DCHS2: variants seen among roughly 807,000 people sequenced by gnomAD.
The protein encoded by DCHS2 is protocadherin-23.
A neutral mutation model predicts 182.4 loss-of-function variants in DCHS2; 142 were observed. That is an observed-to-expected ratio of 0.78 (90% CI 0.68 to 0.89). The LOEUF is 0.89. Among genes scored for constraint, DCHS2 ranks in the 40% least tolerant of loss-of-function variants. The probability of loss-of-function intolerance (pLI) is 0.00; values close to 1 mark genes in which losing one functional copy is unlikely to be tolerated. For missense variants in DCHS2, 4,319 were observed against 4,198.6 expected (o/e 1.03, Z -0.79); for synonymous variants, 1,740 against 1,663.3 (o/e 1.05, Z -1.12).
intron 1 of DCHS2, among the ~76,000 whole-genome samples, chr4:154,479,632 C>CA (rs1463457971): frequency 6.6e-6 from 1 of 151,962 alleles, no homozygotes; most frequent in Non-Finnish European, 1.5e-5. Flanking sequence ...TATTGTGTTC[C>CA]AAAAAAATTA....
intron 18 of DCHS2, 80 bp from the exon 19 acceptor site, chr4:154,239,382 C>T: frequency 6.4e-7 from 1 of 1,564,728 alleles, no homozygotes; most frequent in Non-Finnish European, 8.6e-7. Flanking sequence ...AACATGAGGT[C>T]ATTTTATTCA....
rs17031394 is a variant in DCHS2, at chr4:154,298,510, G to C, written c.5804C>G (p.Thr1935Arg). Residue 1935 changes from threonine to arginine, a missense_variant, in exon 13 of 20, where the codon ACA becomes AGA. Transcript: ENST00000357232. ...TCTCACAGAGGACTGGTAATAAAGT[G>C]TGGGAAAAGAAGGACTGTGGTCATT... Reference protein sequence around the residue: ...DANDHSPSFPTLYYQSSVRED... With the variant: ...DANDHSPSFPRLYYQSSVRED... The C allele has an allele frequency of 0.17, 272,685 of 1,613,968 alleles. 23,836 individuals are homozygous for C. Among genetic ancestry groups the C allele is most frequent in the Middle Eastern group, 0.23 (1,388 of 6,062 alleles).
chr4:154,314,380 C>T (rs901838400), intron 10 of DCHS2, among the ~76,000 whole-genome samples: 2 of 152,132 alleles, frequency 1.3e-5, no homozygotes, highest in African/African-American at 2.4e-5. Context: ...CTGCCAAAAA[C>T]GTACTAAGTT....
In DCHS2 at chr4:154,413,824, A is replaced by G. The variant is rs145191725; in HGVS notation, c.2053-36380T>C. Among the ~76,000 whole-genome samples the G allele has an allele frequency of 2.5e-3, 384 of 152,314 alleles. 1 individual carries two copies. The Middle Eastern group carries it at 0.034, about 13-fold the overall frequency. On this transcript the variant is annotated intron_variant, in intron 1 of 19. Transcript: ENST00000357232. The stretch of plus-strand genomic sequence containing the variant: ...TTACTTCTGTTACTAACCCCAAAGC[A>G]CTGCATTACTTTATAGCTTCCTACC...
At chr4:154,263,091 C>T (rs1374770120) in intron 14 of DCHS2, among the ~76,000 whole-genome samples, 1 of 152,086 alleles carries the variant, frequency 6.6e-6, no homozygotes, top group Non-Finnish European at 1.5e-5. Context: ...TTTTCTCACA[C>T]TTTTATTCTT....
intron 7 of DCHS2, among the ~76,000 whole-genome samples, chr4:154,326,999 C>T (rs1019135017): frequency 1.3e-5 from 2 of 152,100 alleles, no homozygotes; most frequent in African/African-American, 4.8e-5. Flanking sequence ...ATTGAGTCTT[C>T]CCAAGCATGA....
chr4:154,388,314 T>TA (rs954854385), intron 1 of DCHS2, among the ~76,000 whole-genome samples: 7 of 149,810 alleles, frequency 4.7e-5, no homozygotes, highest in African/African-American at 9.8e-5. Context: ...TTGAGGTGAG[T>TA]AAAAAAAAAG....
chr4:154,464,293 C>A (rs1735146893), intron 1 of DCHS2, among the ~76,000 whole-genome samples: 1 of 152,132 alleles, frequency 6.6e-6, no homozygotes, highest in Non-Finnish European at 1.5e-5. Flanking sequence ...TTTTTAACTT[C>A]TCTGAGAGAA....
chr4:154,365,582 C>A (rs1267298333), intron 3 of DCHS2, among the ~76,000 whole-genome samples: 2 of 151,846 alleles, frequency 1.3e-5, no homozygotes, highest in African/African-American at 4.8e-5. Flanking sequence ...GGCCTCGAGC[C>A]ATCCTCCCAC....
At chr4:154,336,960 GAGGATAAACACTCT>G (rs1306577486) in intron 3 of DCHS2, among the ~76,000 whole-genome samples, 1 of 152,150 alleles carries the variant, frequency 6.6e-6, no homozygotes, top group African/African-American at 2.4e-5. Flanking sequence ...TTATAAAGCA[GAGGATAAACACTCT>G]TTATTAGAAT....
chr4:154,280,654 C>T (rs950136024), intron 13 of DCHS2, among the ~76,000 whole-genome samples: 2 of 151,890 alleles, frequency 1.3e-5, no homozygotes, highest in Non-Finnish European at 2.9e-5. Context: ...GCAGAAAAAG[C>T]GTATAACAAA....
intron 1 of DCHS2, among the ~76,000 whole-genome samples, chr4:154,394,951 G>A (rs1237622115): frequency 1.3e-5 from 2 of 152,134 alleles, no homozygotes; most frequent in African/African-American, 4.8e-5. Flanking sequence ...TGGAGGGACT[G>A]AGAAAGAGCC....
intron 1 of DCHS2, among the ~76,000 whole-genome samples, chr4:154,401,864 C>A (rs1035011032): frequency 2.0e-5 from 3 of 152,056 alleles, no homozygotes; most frequent in African/African-American, 7.2e-5. Flanking sequence ...CATGGTGGTG[C>A]GTGCCTATAG....
chr4:154,351,946 G>T (rs1394040810), intron 3 of DCHS2, among the ~76,000 whole-genome samples: 2 of 151,964 alleles, frequency 1.3e-5, no homozygotes, highest in African/African-American at 4.8e-5. Context: ...TAGGCATTTT[G>T]CTATTTCTAT....
At chr4:154,401,498 C>G (rs1732181210) in intron 1 of DCHS2, among the ~76,000 whole-genome samples, 1 of 152,212 alleles carries the variant, frequency 6.6e-6, no homozygotes, top group Non-Finnish European at 1.5e-5. Context: ...GCTCCACATC[C>G]TCATCAACAT....
intron 14 of DCHS2, among the ~76,000 whole-genome samples, chr4:154,266,788 CAT>C: frequency 6.6e-6 from 1 of 152,092 alleles, no homozygotes; most frequent in Non-Finnish European, 1.5e-5. Flanking sequence ...TTTGTCTTTT[CAT>C]ATCTGTGTGA....
intron 1 of DCHS2, among the ~76,000 whole-genome samples, chr4:154,414,385 T>C (rs1396903670): frequency 6.6e-6 from 1 of 151,206 alleles, no homozygotes; most frequent in East Asian, 2.0e-4. Flanking sequence ...ACACTATAAA[T>C]TATCCTCCTA....
Position 154,298,483 on chromosome 4 carries a change from T to G in DCHS2, c.5831A>C (p.Glu1944Ala), listed in dbSNP as rs1368440483. ...AACCACTGTTCCCACTTCAGCATCT[T>G]CTCTCACAGAGGACTGGTAATAAAG... ...PTLYYQSSVREDAEVGTVVLV... is the reference protein window; with the variant it reads ...PTLYYQSSVRADAEVGTVVLV... Residue 1944 changes from glutamate to alanine, a missense_variant, in exon 13 of 20, where the codon GAA becomes GCA. Physicochemically the swap from Glu to Ala is moderately radical, Grantham distance 107 (BLOSUM62 -1). Coordinates refer to ENST00000357232, the MANE Select transcript of DCHS2 (RefSeq NM_001358235.2). 2 of 1,613,992 alleles carry G rather than the reference T, an allele frequency of 1.2e-6. No homozygotes were observed. Among genetic ancestry groups the G allele is most frequent in the African/African-American group, 2.7e-5 (2 of 74,916 alleles).
At chr4:154,415,411 C>A (rs946319480) in intron 1 of DCHS2, among the ~76,000 whole-genome samples, 2 of 152,204 alleles carry the variant, frequency 1.3e-5, no homozygotes, top group African/African-American at 2.4e-5. Context: ...GAGACCCAGC[C>A]TTTCTCAGTT....
Sources: gnomAD v4.1 joint callset for allele counts (sites outside exome capture counted in the v4.1 genomes callset) on GRCh38, gnomAD v4.1.1 for gene constraint, MANE v1.5 for transcripts, NCBI Gene and HGNC (gene_info 2026-07-23, HGNC 2026-07-21) for gene names.